The following POMK variants were observed in gnomAD, a reference collection of about 807,000 sequenced individuals.
POMK encodes Sugen kinase 196.
Under a neutral mutation model 23.0 loss-of-function variants are expected in POMK, and 19 were observed. That is an observed-to-expected ratio of 0.83 (90% CI 0.58 to 1.21). The LOEUF is 1.21. Among genes scored for constraint, POMK ranks in the 50% most tolerant of loss-of-function variants. The probability of loss-of-function intolerance (pLI) is 0.00; values close to 1 mark genes in which losing one functional copy is unlikely to be tolerated. For synonymous variants in POMK, 173 were observed against 171.6 expected, an observed-to-expected ratio of 1.01 and a Z score of -0.06; for missense variants, 410 against 431.3, an observed-to-expected ratio of 0.95 and a Z score of 0.44.
At chr8:43,110,515 G>A (rs1403059918) in intron 4 of POMK, among the ~76,000 whole-genome samples, 4 of 152,222 alleles carry the variant, frequency 2.6e-5, no homozygotes, top group Non-Finnish European at 5.9e-5. Context: ...ACAACTTACA[G>A]AGACCATCTA....
At chr8:43,100,285 A>G (rs1337655686) in intron 2 of POMK, among the ~76,000 whole-genome samples, 1 of 152,058 alleles carries the variant, frequency 6.6e-6, no homozygotes, top group Non-Finnish European at 1.5e-5. Flanking sequence ...CTCAAGGCCC[A>G]GTGTGTGCTT....
intron 4 of POMK, among the ~76,000 whole-genome samples, chr8:43,109,344 C>T (rs1393930953): frequency 6.6e-6 from 1 of 152,066 alleles, no homozygotes; most frequent in Non-Finnish European, 1.5e-5. Context: ...TCCCCTCCCC[C>T]TTTTTTCTTT....
chr8:43,113,851 C>T (rs1280715744), intron 4 of POMK, among the ~76,000 whole-genome samples: 2 of 152,240 alleles, frequency 1.3e-5, no homozygotes, highest in Non-Finnish European at 2.9e-5. Context: ...AGCTGCAGGT[C>T]TGTTGGAGTT....
chr8:43,096,710 A>C (rs1443034574), intron 1 of POMK, among the ~76,000 whole-genome samples: 2 of 152,242 alleles, frequency 1.3e-5, no homozygotes, highest in Non-Finnish European at 2.9e-5. Flanking sequence ...CTCTCCCTGC[A>C]TGTATCAGAG....
At chr8:43,111,860 C>A (rs1811675732) in intron 4 of POMK, among the ~76,000 whole-genome samples, 1 of 152,332 alleles carries the variant, frequency 6.6e-6, no homozygotes, top group Non-Finnish European at 1.5e-5. Flanking sequence ...AGCTGAGGGT[C>A]CTGACTGTTA....
At chr8:43,106,552 C>G (rs912153593) in intron 4 of POMK, among the ~76,000 whole-genome samples, 87 of 149,240 alleles carry the variant, frequency 5.8e-4, no homozygotes, top group Non-Finnish European at 3.3e-4. Context: ...CTCTATCGCC[C>G]AGGCTGGAGT....
At chr8:43,095,050 G>A (rs1811305658) in intron 1 of POMK, among the ~76,000 whole-genome samples, 1 of 152,200 alleles carries the variant, frequency 6.6e-6, no homozygotes, top group African/African-American at 2.4e-5. Context: ...TCGGGGTTGA[G>A]GTGGGCTGAA....
At chr8:43,111,494 G>T (rs1268495856) in intron 4 of POMK, among the ~76,000 whole-genome samples, 1 of 152,228 alleles carries the variant, frequency 6.6e-6, no homozygotes, top group Non-Finnish European at 1.5e-5. Context: ...CACCTCTGGG[G>T]GCAGGGCACA....
At position 43,112,226 on chromosome 8, in the gene POMK, C is replaced by G. The variant is rs185635160; in HGVS notation, c.282+8396C>G. Among the ~76,000 whole-genome samples, 201 of 152,180 alleles carry G rather than the reference C, an allele frequency of 1.3e-3. 1 individual carries two copies. The highest frequency in any genetic ancestry group is 0.011 in the South Asian group (53 of 4,824). ...CCAATGCAGAGAAGTCCTTAAAGGACCTGAAGGAGCTGAAAACCACGGCAC... is the reference window on the plus strand; with the variant it reads ...CCAATGCAGAGAAGTCCTTAAAGGAGCTGAAGGAGCTGAAAACCACGGCAC... On this transcript the variant is annotated intron_variant, in intron 4 of 4. Coordinates refer to ENST00000331373, the MANE Select transcript of POMK (RefSeq NM_032237.5).
chr8:43,114,809 G>A (rs1318495815), intron 4 of POMK, among the ~76,000 whole-genome samples: 1 of 152,216 alleles, frequency 6.6e-6, no homozygotes, highest in Non-Finnish European at 1.5e-5. Context: ...AACCAGTTGT[G>A]CACTCTCCCA....
intron 1 of POMK, among the ~76,000 whole-genome samples, chr8:43,095,208 A>G (rs1338584004): frequency 1.3e-5 from 2 of 152,164 alleles, no homozygotes; most frequent in African/African-American, 2.4e-5. Context: ...TTCTGTGTAT[A>G]GTTCAGTGAC....
rs573409616 is a variant in POMK, at chr8:43,114,278, C to T, written c.283-7829C>T. Among the ~76,000 whole-genome samples, 37 of 152,360 alleles carry T rather than the reference C, an allele frequency of 2.4e-4. 1 individual carries two copies. The highest frequency in any genetic ancestry group is 3.4e-3 in the Middle Eastern group (1 of 294). On this transcript the variant is annotated intron_variant, in intron 4 of 4. Coordinates refer to ENST00000331373, the MANE Select transcript of POMK (RefSeq NM_032237.5). ...TGGGCTCCACCCAGTTAGAGCTTCC[C>T]GGCTGCTTTGTTTACCTAAGCAAGC...
chr8:43,103,442 G>A (rs781653604), intron 3 of POMK, 86 bp from the exon 4 acceptor site: 9 of 1,292,800 alleles, frequency 7.0e-6, no homozygotes, highest in Non-Finnish European at 8.8e-6. Flanking sequence ...GGACCCTTGA[G>A]TAGAAGAGGC....
At chr8:43,115,239 C>T (rs1246984641) in intron 4 of POMK, among the ~76,000 whole-genome samples, 1 of 152,188 alleles carries the variant, frequency 6.6e-6, no homozygotes, top group African/African-American at 2.4e-5. Context: ...CCTTCCATCC[C>T]TTCTAATCCT....
chr8:43,122,512 G>C lies in POMK; in HGVS notation c.688G>C (p.Ala230Pro). 4 of 1,614,122 alleles carry C rather than the reference G, an allele frequency of 2.5e-6. No homozygotes were observed. The highest frequency in any genetic ancestry group is 3.4e-6 in the Non-Finnish European group (4 of 1,180,018). The part of the protein sequence containing the change: ...NFSILANDLD[A>P]LPLVNHSSGM... Reference sequence around the variant, plus strand: ...CAGCATTTTGGCAAATGACTTGGACGCCTTACCCCTGGTGAACCACAGCTC... The same window carrying C: ...CAGCATTTTGGCAAATGACTTGGACCCCTTACCCCTGGTGAACCACAGCTC... The change falls in exon 5 of 5, where the codon GCC (alanine) becomes CCC (proline). Residue 230 changes from alanine to proline, a missense_variant. Physicochemically the swap from Ala to Pro is conservative, Grantham distance 27. Transcript: ENST00000331373.
At chr8:43,101,080 C>G (rs889053223) in intron 2 of POMK, among the ~76,000 whole-genome samples, 1 of 151,856 alleles carries the variant, frequency 6.6e-6, no homozygotes, top group Non-Finnish European at 1.5e-5. Flanking sequence ...TGTTGAGGTT[C>G]CAGGGAATAC....
At position 43,122,760 on chromosome 8, in the gene POMK, A is replaced by C. The variant is rs758695817; in HGVS notation, c.936A>C (p.Ala312=). 1.2e-6 allele frequency: 2 copies of C among 1,614,098 alleles called. No individual in the cohort carries two copies. Among genetic ancestry groups the C allele is most frequent in the African/African-American group, 1.3e-5 (1 of 74,938 alleles). The stretch of plus-strand genomic sequence containing the variant: ...TCCATTTGTTTGATATTCACAAAGC[A>C]TGCAAGAGCCAGACTCCCTCAGAAA... The part of the protein sequence containing the change: ...VRFHLFDIHK[A]CKSQTPSERP... Residue 312 remains alanine, a synonymous_variant, in exon 5 of 5, where the codon GCA becomes GCC. Coordinates refer to ENST00000331373, the MANE Select transcript of POMK (RefSeq NM_032237.5).
At chr8:43,111,501 C>G (rs1161999851) in intron 4 of POMK, among the ~76,000 whole-genome samples, 1 of 152,208 alleles carries the variant, frequency 6.6e-6, no homozygotes, top group Non-Finnish European at 1.5e-5. Context: ...GGGGGCAGGG[C>G]ACAGACAAAC....
chr8:43,095,168 G>A (rs948567438), intron 1 of POMK, among the ~76,000 whole-genome samples: 9 of 152,194 alleles, frequency 5.9e-5, no homozygotes, highest in Non-Finnish European at 1.2e-4. Context: ...TTTAGGGGAA[G>A]AATGGGCTTG....
Sources: allele counts gnomAD v4.1 joint callset (sites outside exome capture counted in the v4.1 genomes callset), GRCh38; gene constraint gnomAD v4.1.1; transcripts MANE v1.5; gene names NCBI Gene and HGNC (gene_info 2026-07-23, HGNC 2026-07-21).